The following DNAH17 variants were observed in gnomAD, a reference collection of about 807,000 sequenced individuals.
DNAH17 encodes axonemal beta dynein heavy chain 17.
A neutral mutation model predicts 485.6 loss-of-function variants in DNAH17; 376 were observed. The ratio of observed to expected loss-of-function variants is 0.77; its 90% CI spans 0.71 to 0.84. The LOEUF (loss-of-function observed/expected upper bound fraction) is 0.84. Ranked by LOEUF, DNAH17 falls within the 40% of genes least tolerant of loss-of-function variation. The probability of loss-of-function intolerance (pLI) is 0.00; values close to 1 mark genes in which losing one functional copy is unlikely to be tolerated. For synonymous variants in DNAH17, 3,031 were observed against 2,405.9 expected, an observed-to-expected ratio of 1.26 and a Z score of -7.60; for missense variants, 6,370 against 5,839.3, an observed-to-expected ratio of 1.09 and a Z score of -2.96.
chr17:78,534,500 G>C (rs1271920841), intron 19 of DNAH17, among the ~76,000 whole-genome samples: 1 of 152,220 alleles, frequency 6.6e-6, no homozygotes, highest in Non-Finnish European at 1.5e-5. Context: ...TCAGAATTCA[G>C]CCATGGGCTC....
intron 69 of DNAH17, among the ~76,000 whole-genome samples, 159 bp downstream of exon 69, chr17:78,449,255 C>G (rs192789284): frequency 1.1e-3 from 170 of 152,248 alleles, no homozygotes; most frequent in Non-Finnish European, 6.5e-4. Context: ...CGTCAGGCAT[C>G]TCAGACTTTA....
chr17:78,577,005 A>C (rs1050694855), intron 1 of DNAH17, among the ~76,000 whole-genome samples: 1 of 152,142 alleles, frequency 6.6e-6, no homozygotes, highest in Non-Finnish European at 1.5e-5. Flanking sequence ...AGGACTCCAC[A>C]GGAGGAAGCT....
At chr17:78,503,065 C>G in intron 31 of DNAH17, 54 bp from the exon 32 acceptor site, 1 of 1,542,672 alleles carries the variant, frequency 6.5e-7, no homozygotes, top group Non-Finnish European at 8.7e-7. Context: ...GCCTCTAGTT[C>G]CAATAATTTT....
intron 26 of DNAH17, among the ~76,000 whole-genome samples, chr17:78,511,078 A>G (rs1291318482): frequency 6.6e-6 from 1 of 152,224 alleles, no homozygotes; most frequent in Non-Finnish European, 1.5e-5. Flanking sequence ...CCCTGATTTC[A>G]GAGTCCTGGC....
chr17:78,428,824 C>A, intron 76 of DNAH17, 117 bp from the exon 77 acceptor site: 2 of 1,287,718 alleles, frequency 1.6e-6, no homozygotes, highest in South Asian at 1.4e-5. Context: ...CTGTACAGAT[C>A]CCACTTGTTT....
intron 72 of DNAH17, 89 bp downstream of exon 72, chr17:78,440,962 C>G: frequency 6.7e-7 from 1 of 1,485,442 alleles, no homozygotes; most frequent in South Asian, 1.2e-5. Flanking sequence ...GAAGTGGTGT[C>G]TCATGTGCTT....
chr17:78,542,848 C>G (rs1239103927), intron 17 of DNAH17, among the ~76,000 whole-genome samples: 1 of 152,242 alleles, frequency 6.6e-6, no homozygotes, highest in East Asian at 1.9e-4. Flanking sequence ...TCCCATGTTA[C>G]TGTTCCCTAC....
intron 14 of DNAH17, among the ~76,000 whole-genome samples, 153 bp from the exon 15 acceptor site, chr17:78,552,958 A>G (rs1289594414): frequency 6.6e-6 from 1 of 152,060 alleles, no homozygotes; most frequent in East Asian, 1.9e-4. Context: ...CCAGTGTTGG[A>G]GGTGGGGCCT....
chr17:78,503,168 CCTTTTTTTTTT>C (rs1191052569), intron 31 of DNAH17, 157 bp from the exon 32 acceptor site: 2 of 325,600 alleles, frequency 6.1e-6, no homozygotes, highest in Admixed American at 6.7e-5. Context: ...CAGTGACACA[CCTTTTTTTTTT>C]TTTTTTTTTT....
intron 16 of DNAH17, among the ~76,000 whole-genome samples, chr17:78,549,974 T>A (rs1413509150): frequency 6.6e-6 from 1 of 151,954 alleles, no homozygotes; most frequent in African/African-American, 2.4e-5. Context: ...GCATTGCAGG[T>A]AACAGAAAGG....
rs691151 is a variant in DNAH17 at position 78,486,350 on chromosome 17, A to G, written c.6975T>C (p.Ile2325=). Residue 2325 remains isoleucine, a synonymous_variant, in exon 45 of 81, where the codon ATT becomes ATC. Coordinates refer to ENST00000389840, the MANE Select transcript of DNAH17 (RefSeq NM_173628.4). ...PVPEITVIQT[I]LYLLECLLTE... Reference sequence around the variant, plus strand: ...TGAGCAGGCACTCCAGCAGGTACAGAATCGTTTGGATCACCGTGATCTCCG... The same window carrying G: ...TGAGCAGGCACTCCAGCAGGTACAGGATCGTTTGGATCACCGTGATCTCCG... The G allele has an allele frequency of 0.66, 1,058,054 of 1,613,636 alleles. 348,728 individuals carry two copies. The highest frequency in any genetic ancestry group is 0.79 in the Admixed American group (47,188 of 60,014).
rs927528770 is a variant in DNAH17, at chr17:78,445,668, T to C, written c.11224A>G (p.Lys3742Glu). The C allele has an allele frequency of 9.5e-6, 15 of 1,586,210 alleles. No homozygotes were observed. The highest frequency in any genetic ancestry group is 1.2e-5 in the Non-Finnish European group (14 of 1,166,406). ...AQVTFQVLSM[K>E]KELNPVELDF... The stretch of plus-strand genomic sequence containing the variant: ...AGCTCCACTGGGTTCAGCTCCTTCT[T>C]CATGGACAGGACCTGGGGGAACATC... The change falls in exon 70 of 81, where the codon AAG (lysine) becomes GAG (glutamate). Residue 3742 changes from lysine to glutamate, a missense_variant. Coordinates refer to ENST00000389840, the MANE Select transcript of DNAH17 (RefSeq NM_173628.4).
chr17:78,473,530 T>G (rs552091300), intron 54 of DNAH17, among the ~76,000 whole-genome samples: 1 of 118,212 alleles, frequency 8.5e-6, no homozygotes, highest in Admixed American at 1.1e-4. Flanking sequence ...GGCGACAGAG[T>G]GAGACTCTGT....
intron 51 of DNAH17, chr17:78,478,798 A>C: frequency 2.0e-6 from 1 of 507,840 alleles, no homozygotes; most frequent in Non-Finnish European, 3.5e-6. Context: ...CATAACCATC[A>C]CTACCACCAT....
chr17:78,466,593 C>G, intron 56 of DNAH17, 62 bp downstream of exon 56: 3 of 1,488,248 alleles, frequency 2.0e-6, no homozygotes, highest in African/African-American at 2.9e-5. Flanking sequence ...GGGAGCCAGC[C>G]CTTGGGCCTG....
chr17:78,547,157 C>A (rs2091785438), intron 16 of DNAH17, among the ~76,000 whole-genome samples: 1 of 152,130 alleles, frequency 6.6e-6, no homozygotes, highest in Non-Finnish European at 1.5e-5. Context: ...GTTCCAAGCT[C>A]ATTGCTAGTC....
intron 9 of DNAH17, 106 bp downstream of exon 9, chr17:78,569,060 G>A: frequency 1.1e-6 from 1 of 892,716 alleles, no homozygotes; most frequent in Non-Finnish European, 1.7e-6. Flanking sequence ...CTTATTTTCT[G>A]CCTGGGGGAT....
chr17:78,468,163 A>AAAAAAATAAT (rs969011272), intron 55 of DNAH17, among the ~76,000 whole-genome samples: 25 of 151,942 alleles, frequency 1.6e-4, no homozygotes, highest in Admixed American at 5.3e-4. Flanking sequence ...AAATTGTTAA[A>AAAAAAATAAT]AAAAAATAAT....
At chr17:78,467,994 G>A (rs1001185554) in intron 55 of DNAH17, among the ~76,000 whole-genome samples, 3 of 148,994 alleles carry the variant, frequency 2.0e-5, no homozygotes, top group Non-Finnish European at 4.4e-5. Flanking sequence ...CTCCAGCCTG[G>A]GCGACAAGTG....
Sources: gnomAD v4.1 joint callset for allele counts (sites outside exome capture counted in the v4.1 genomes callset) on GRCh38, gnomAD v4.1.1 for gene constraint, MANE v1.5 for transcripts, NCBI Gene and HGNC (gene_info 2026-07-23, HGNC 2026-07-21) for gene names.